FAM135B: variants seen among roughly 807,000 people sequenced by gnomAD.
FAM135B encodes family with sequence similarity 135 member B, also known as protein FAM135B.
A neutral mutation model predicts 127.7 loss-of-function variants in FAM135B; 43 were observed. That is an observed-to-expected ratio of 0.34 (90% CI 0.26 to 0.43). FAM135B has a LOEUF of 0.43. Ranked by LOEUF, FAM135B falls within the 20% of genes least tolerant of loss-of-function variation. The pLI, the probability that FAM135B is intolerant of heterozygous loss-of-function variation, is 1.00. For missense variants in FAM135B, 1,558 were observed against 1,725.6 expected, an observed-to-expected ratio of 0.90 and a Z score of 1.72; for synonymous variants, 670 against 665.1, an observed-to-expected ratio of 1.01 and a Z score of -0.11.
chr8:138,433,309 G>T (rs1258695396), intron 1 of FAM135B, among the ~76,000 whole-genome samples: 1 of 151,892 alleles, frequency 6.6e-6, no homozygotes, highest in African/African-American at 2.4e-5. Flanking sequence ...ATCACTTGAG[G>T]TCAGGAGTTC....
intron 1 of FAM135B, among the ~76,000 whole-genome samples, chr8:138,417,285 C>A (rs35385335): frequency 6.6e-5 from 10 of 152,246 alleles, no homozygotes; most frequent in Admixed American, 2.6e-4. Flanking sequence ...GCAACACAGC[C>A]TCAGCTGCCC....
At chr8:138,149,139 ATAAAT>A (rs1388996522) in intron 13 of FAM135B, among the ~76,000 whole-genome samples, 4 of 16,716 alleles carry the variant, frequency 2.4e-4, no homozygotes, top group African/African-American at 4.5e-4. Flanking sequence ...TAATAAAAAA[ATAAAT>A]AAATAAATAA....
Position 138,141,429 on chromosome 8 carries a change from G to T in FAM135B, c.3639-80C>A, listed in dbSNP as rs1817137641. On this transcript the variant is annotated intron_variant, in intron 16 of 19. Coordinates refer to ENST00000395297, the MANE Select transcript of FAM135B (RefSeq NM_015912.4). The surrounding 1 kb of genome is among the most constrained non-coding windows in gnomAD (Gnocchi z 4.7). ...AGAGTGCAGTGCTGGAAGCATCAGG[G>T]GCCATTGTTCTCCACCTCCCACTGA... 2.1e-6 allele frequency: 3 copies of T among 1,435,060 alleles called. No homozygotes were observed. The highest frequency in any genetic ancestry group is 2.9e-6 in the Non-Finnish European group (3 of 1,029,468). The allele number at this position is 1,435,060 out of a possible 1,614,324, so 88.9% of individuals were successfully genotyped here.
At position 138,152,695 on chromosome 8, in the gene FAM135B, T is replaced by G. The variant is rs779426830; in HGVS notation, c.1780A>C (p.Lys594Gln). 5.3e-5 allele frequency: 85 copies of G among 1,614,062 alleles called. No individual in the cohort carries two copies. The South Asian group carries it at 8.6e-4, about 16-fold the overall frequency. ...TGGTGGCTTCCACCTACTACCACTT[T>G]GCTTAGCCCAGTCCTGTCTAATCCA... ...KYGLDRTGLS[K>Q]VVVGGSHQNA... The change falls in exon 13 of 20, where the codon AAA (lysine) becomes CAA (glutamine). Residue 594 changes from lysine to glutamine, a missense_variant. Transcript: ENST00000395297.
chr8:138,310,820 C>T (rs1398844843), intron 3 of FAM135B, 21 bp downstream of exon 3: 1 of 1,609,888 alleles, frequency 6.2e-7, no homozygotes, highest in Non-Finnish European at 8.5e-7. Context: ...GCAAGTGCCC[C>T]ATTGCCATTC....
intron 5 of FAM135B, among the ~76,000 whole-genome samples, chr8:138,251,525 A>C (rs979677412): frequency 1.3e-5 from 2 of 152,204 alleles, no homozygotes; most frequent in African/African-American, 4.8e-5. Context: ...GAGAATATAA[A>C]TACGAATTAA....
chr8:138,455,239 C>T (rs1207641712), intron 1 of FAM135B, among the ~76,000 whole-genome samples: 1 of 152,190 alleles, frequency 6.6e-6, no homozygotes, highest in Non-Finnish European at 1.5e-5. Flanking sequence ...ACTAGCTCTG[C>T]CTGTTTACTC....
chr8:138,421,327 C>G (rs1834497040), intron 1 of FAM135B, among the ~76,000 whole-genome samples: 1 of 151,944 alleles, frequency 6.6e-6, no homozygotes, highest in African/African-American at 2.4e-5. Context: ...AAATATATAT[C>G]TAAATAGGGA....
rs1816095156 is a variant in FAM135B at position 138,130,265 on chromosome 8, A to G, written c.*2328T>C. 1 of 151,590 alleles carries G rather than the reference A, an allele frequency of 6.6e-6. No individual in the cohort carries two copies. Among genetic ancestry groups the G allele is most frequent in the South Asian group, 2.1e-4 (1 of 4,800 alleles). 9.4% of individuals were successfully genotyped at this position (151,590 alleles called of 1,614,324 possible). A position where few individuals can be genotyped will look rare whatever the true frequency, so the allele number is the denominator to read the frequency against. On this transcript the variant is annotated 3_prime_UTR_variant, in exon 20 of 20. Transcript: ENST00000395297. ...CTATATTTCAATAGAAAGAGACATA[A>G]AAAAGCCTTTTCAAATGAGGCATGA...
In FAM135B at chr8:138,359,147, G is replaced by A. The variant is rs1258373606; in HGVS notation, c.77+8760C>T. Among the ~76,000 whole-genome samples the A allele has an allele frequency of 3.3e-5, 5 of 151,924 alleles. No homozygotes were observed. In the East Asian group the frequency reaches 9.6e-4, roughly 29 times the overall value. On this transcript the variant is annotated intron_variant, in intron 2 of 19. Coordinates refer to ENST00000395297, the MANE Select transcript of FAM135B (RefSeq NM_015912.4). ...AACTGAAGTCTATTCACTCATCATA[G>A]GAACAATGATAATAATGTCATTGTA...
intron 11 of FAM135B, 125 bp from the exon 12 acceptor site, chr8:138,168,174 A>C: frequency 8.9e-7 from 1 of 1,124,608 alleles, no homozygotes; most frequent in African/African-American, 1.6e-5. Context: ...TCTGCCCATC[A>C]TCCTTTTCTT....
chr8:138,224,885 TAGAA>T (rs1819296070), intron 7 of FAM135B, among the ~76,000 whole-genome samples: 1 of 151,738 alleles, frequency 6.6e-6, no homozygotes, highest in African/African-American at 2.4e-5. Flanking sequence ...GAAACAGAAA[TAGAA>T]AGGTGTTTAT....
At chr8:138,269,617 C>T (rs1216366716) in intron 3 of FAM135B, among the ~76,000 whole-genome samples, 3 of 152,168 alleles carry the variant, frequency 2.0e-5, no homozygotes, top group Admixed American at 6.5e-5. Flanking sequence ...CTCAAAGTCA[C>T]AATGTTGGTT....
At chr8:138,347,409 C>A (rs886384318) in intron 2 of FAM135B, among the ~76,000 whole-genome samples, 4 of 152,120 alleles carry the variant, frequency 2.6e-5, no homozygotes, top group Non-Finnish European at 5.9e-5. Context: ...AGTCTGGGAT[C>A]CTTAACCCTG....
intron 4 of FAM135B, among the ~76,000 whole-genome samples, chr8:138,257,407 G>GA (rs5895506): frequency 0.079 from 11,638 of 148,000 alleles, 1,243 homozygotes; most frequent in African/African-American, 0.24. Flanking sequence ...TTTGCTTTAA[G>GA]AAAAAAAAAA....
chr8:138,193,286 T>C (rs1168205523), intron 9 of FAM135B, among the ~76,000 whole-genome samples: 2 of 152,192 alleles, frequency 1.3e-5, no homozygotes, highest in African/African-American at 4.8e-5. Flanking sequence ...TGACAAGCAC[T>C]TAGAACTGTG....
Position 138,243,199 on chromosome 8 carries a change from G to C in FAM135B, c.543-131C>G. On this transcript the variant is annotated intron_variant, in intron 6 of 19. Transcript: ENST00000395297. The surrounding 1 kb of genome is among the most constrained non-coding windows in gnomAD (Gnocchi z 7.5). ...CATTTAGGAGTAGTTCACCCCCTAG[G>C]GAGTGTTTGCATGTGACATTTGTGG... 9.5e-7 allele frequency: 1 copy of C among 1,053,748 alleles called. No homozygotes were observed. Among genetic ancestry groups the C allele is most frequent in the Non-Finnish European group, 1.3e-6 (1 of 759,266 alleles). The allele number at this position is 1,053,748 out of a possible 1,614,324, so 65.3% of individuals were successfully genotyped here. A position where few individuals can be genotyped will look rare whatever the true frequency, so the allele number is the denominator to read the frequency against.
At chr8:138,212,450 A>G (rs1048165954) in intron 7 of FAM135B, among the ~76,000 whole-genome samples, 1 of 152,218 alleles carries the variant, frequency 6.6e-6, no homozygotes, top group Non-Finnish European at 1.5e-5. Context: ...ATAAGAGGGA[A>G]CTAAAGCCTC....
In FAM135B at chr8:138,151,584, T is replaced by A; in HGVS notation, c.2891A>T (p.Asp964Val). 6.2e-7 allele frequency: 1 copy of A among 1,614,186 alleles called. No individual in the cohort carries two copies. Among genetic ancestry groups the A allele is most frequent in the African/African-American group, 1.3e-5 (1 of 75,050 alleles). Residue 964 changes from aspartate (D) to valine (V), a missense_variant, in exon 13 of 20, where the codon GAT (aspartate) becomes GTT (valine). Physicochemically the swap from Asp to Val is radical, Grantham distance 152 (BLOSUM62 -3). Around this residue, in one of 5 missense-constraint regions of FAM135B, gnomAD observed 923 missense variants for 865.3 expected, o/e 1.07. Coordinates refer to ENST00000395297, the MANE Select transcript of FAM135B (RefSeq NM_015912.4). ...CACTCCTCTATTAAATGCTGTGTCATCCATAATGCAAGGTGAACCGCTTTG... is the reference window on the plus strand; with the variant it reads ...CACTCCTCTATTAAATGCTGTGTCAACCATAATGCAAGGTGAACCGCTTTG... ...QSQSGSPCIMDDTAFNRGVNA... is the reference protein window; with the variant it reads ...QSQSGSPCIMVDTAFNRGVNA...
Sources: gnomAD v4.1 joint callset for allele counts (sites outside exome capture counted in the v4.1 genomes callset) on GRCh38, gnomAD v4.1.1 for gene constraint, gnomAD v4.1.1 regional missense constraint, Gnocchi (gnomAD v3.1) non-coding constraint, MANE v1.5 for transcripts, NCBI Gene and HGNC (gene_info 2026-07-23, HGNC 2026-07-21) for gene names.